Variants in UAP1 observed in about 807,000 individuals in gnomAD.
The protein encoded by UAP1 is UDP-N-acetylglucosamine pyrophosphorylase 1, also known as UDP-N-acetylhexosamine pyrophosphorylase.
In UAP1, 25 loss-of-function variants were observed where a neutral mutation model predicts 58.5. That is an observed-to-expected ratio of 0.43 (90% CI 0.31 to 0.60). The LOEUF (loss-of-function observed/expected upper bound fraction) is 0.60, where lower values mean the gene tolerates loss of function less well. Among genes scored for constraint, UAP1 ranks in the 20% least tolerant of loss-of-function variants. The pLI is 0.11. For missense variants in UAP1, 575 were observed against 630.0 expected (o/e 0.91, Z 0.93); for synonymous variants, 208 against 213.0 (o/e 0.98, Z 0.21).
chr1:162,597,120 A>G (rs1359007971), intron 9 of UAP1: 1 of 152,198 alleles, frequency 6.6e-6, no homozygotes, highest in African/African-American at 2.4e-5. Flanking sequence ...TACAGAAAAA[A>G]CATGTACTGG....
rs897756808 is a variant in UAP1 at position 162,576,712 on chromosome 1, A to G, written c.281-65A>G. On this transcript the variant is annotated intron_variant, in intron 2 of 10. Coordinates refer to ENST00000271469, the Ensembl canonical transcript of UAP1. Reference sequence around the variant, plus strand: ...TTTTGATGAGTCTTTGCTGCTACCTATGTATATTTAATACTAAAGTGTTGA... The same window carrying G: ...TTTTGATGAGTCTTTGCTGCTACCTGTGTATATTTAATACTAAAGTGTTGA... 2.1e-5 allele frequency: 30 copies of G among 1,422,638 alleles called. No individual in the cohort carries two copies. In the African/African-American group the frequency reaches 3.0e-4, roughly 14 times the overall value. 88.1% of individuals were successfully genotyped at this position (1,422,638 alleles called of 1,614,324 possible).
At chr1:162,579,313 A>G (rs1654400489) in intron 3 of UAP1, 115 bp from the exon 4 acceptor site, 2 of 752,608 alleles carry the variant, frequency 2.7e-6, no homozygotes, top group Non-Finnish European at 3.8e-6. Flanking sequence ...GAAGGAAGTC[A>G]AAATAATAAG....
chr1:162,577,910 AT>A (rs1001789963), intron 3 of UAP1, among the ~76,000 whole-genome samples: 1 of 149,558 alleles, frequency 6.7e-6, no homozygotes, highest in African/African-American at 2.5e-5. Context: ...GCACCCGGCT[AT>A]TTTTTTTTGT....
Position 162,590,308 on chromosome 1 carries a change from A to G in UAP1, c.1170-15A>G, listed in dbSNP as rs773623440. The G allele has an allele frequency of 2.2e-5, 35 of 1,601,324 alleles. No homozygotes were observed. Among genetic ancestry groups the G allele is most frequent in the Non-Finnish European group, 2.9e-5 (34 of 1,174,528 alleles). Reference sequence around the variant, plus strand: ...AGTTTCATAATAAAGAGGTCTTTATATGGTTTCGCTCTAGGAAGTTTGTGG... The same window carrying G: ...AGTTTCATAATAAAGAGGTCTTTATGTGGTTTCGCTCTAGGAAGTTTGTGG... On this transcript the variant is annotated splice_polypyrimidine_tract_variant and intron_variant, in intron 7 of 10. Transcript: ENST00000271469.
chr1:162,563,954 A>G (rs1653338135), intron 1 of UAP1, among the ~76,000 whole-genome samples: 1 of 152,182 alleles, frequency 6.6e-6, no homozygotes, highest in Non-Finnish European at 1.5e-5. Flanking sequence ...TTCTTTGGTT[A>G]TCTGGTTCCT....
intron 2 of UAP1, among the ~76,000 whole-genome samples, chr1:162,572,485 C>T (rs1653926797): frequency 6.6e-6 from 1 of 152,088 alleles, no homozygotes; most frequent in Non-Finnish European, 1.5e-5. Flanking sequence ...TTTTTCAGGT[C>T]AGTTAGCTGA....
At position 162,571,339 on chromosome 1, in the gene UAP1, C is replaced by T. The variant is rs187240830; in HGVS notation, c.280+4991C>T. ...AGACGGGGGTTTCAACATGTTGGCCCGGCTGGTCTTGAACTCCTGACCTCA... is the reference window on the plus strand; with the variant it reads ...AGACGGGGGTTTCAACATGTTGGCCTGGCTGGTCTTGAACTCCTGACCTCA... On this transcript the variant is annotated intron_variant, in intron 2 of 10. Transcript: ENST00000271469. 2.0e-4 allele frequency among the ~76,000 whole-genome samples: 31 copies of T among 151,852 alleles called. No individual in the cohort carries two copies. The East Asian group carries it at 5.4e-3, about 27-fold the overall frequency.
intron 2 of UAP1, among the ~76,000 whole-genome samples, chr1:162,567,691 A>G (rs1653601798): frequency 6.6e-6 from 1 of 152,208 alleles, no homozygotes; most frequent in Non-Finnish European, 1.5e-5. Flanking sequence ...ACATTATTTT[A>G]TTGCAAAAAT....
chr1:162,586,201 C>T (rs989526767), intron 5 of UAP1, among the ~76,000 whole-genome samples: 2 of 152,166 alleles, frequency 1.3e-5, no homozygotes, highest in African/African-American at 4.8e-5. Flanking sequence ...AAAGTCTTAA[C>T]TTTATTAATA....
At chr1:162,582,421 G>A (rs1354593560) in intron 5 of UAP1, among the ~76,000 whole-genome samples, 2 of 152,142 alleles carry the variant, frequency 1.3e-5, no homozygotes, top group Non-Finnish European at 2.9e-5. Context: ...TAGAATGACA[G>A]ATTAATGAAA....
chr1:162,597,697 G>A lies in UAP1; in HGVS notation c.1410-95G>A. ...ATTTGTTTAACTGGAAGAATTATCT[G>A]CAAGCTTCTCAGAGGAAAGTTATGG... On this transcript the variant is annotated intron_variant, in intron 9 of 10. Transcript: ENST00000271469. 4 of 953,936 alleles carry A rather than the reference G, an allele frequency of 4.2e-6. No individual in the cohort carries two copies. In the South Asian group the frequency reaches 6.1e-5, roughly 14 times the overall value. 59.1% of individuals were successfully genotyped at this position (953,936 alleles called of 1,614,324 possible).
chr1:162,589,192 T>TA (rs1207569380), intron 7 of UAP1, among the ~76,000 whole-genome samples: 95 of 68,114 alleles, frequency 1.4e-3, no homozygotes, highest in African/African-American at 4.5e-3. Context: ...ATAATATATA[T>TA]TATATATTAT....
At chr1:162,592,125 C>T (rs749563810) in intron 8 of UAP1, among the ~76,000 whole-genome samples, 6 of 152,122 alleles carry the variant, frequency 3.9e-5, no homozygotes, top group Non-Finnish European at 7.4e-5. Context: ...GGGCTGGACA[C>T]GGTGGTTTGT....
At chr1:162,576,857 C>T in exon 3 of UAP1, 1 of 1,614,116 alleles carries the variant, frequency 6.2e-7, no homozygotes, top group Non-Finnish European at 8.5e-7. Context: ...CGTTGCATAT[C>T]CTAAGGGGAT....
At chr1:162,569,399 C>T (rs1290082398) in intron 2 of UAP1, among the ~76,000 whole-genome samples, 2 of 152,154 alleles carry the variant, frequency 1.3e-5, no homozygotes, top group Non-Finnish European at 2.9e-5. Flanking sequence ...ATATAAGTGA[C>T]CACTGTACTC....
At chr1:162,590,409 C>G in exon 8 of UAP1, 1 of 1,613,794 alleles carries the variant, frequency 6.2e-7, no homozygotes, top group Non-Finnish European at 8.5e-7. Context: ...GACAACCCTA[C>G]TACTGCAAGG....
chr1:162,562,952 C>T (rs1653253534), intron 1 of UAP1, among the ~76,000 whole-genome samples: 1 of 152,104 alleles, frequency 6.6e-6, no homozygotes, highest in South Asian at 2.1e-4. Flanking sequence ...TATTTAAATT[C>T]TAATAAAAAT....
intron 2 of UAP1, among the ~76,000 whole-genome samples, chr1:162,571,362 T>A (rs12129071): frequency 6.6e-6 from 1 of 151,944 alleles, no homozygotes; most frequent in Non-Finnish European, 1.5e-5. Flanking sequence ...ACTCCTGACC[T>A]CAAGTGATTT....
At chr1:162,595,464 G>A (rs866478304) in intron 9 of UAP1, among the ~76,000 whole-genome samples, 1 of 151,982 alleles carries the variant, frequency 6.6e-6, no homozygotes, top group Non-Finnish European at 1.5e-5. Context: ...ATGACTTTGA[G>A]TTGCCCCAGA....
Sources: allele counts gnomAD v4.1 joint callset (sites outside exome capture counted in the v4.1 genomes callset), GRCh38; gene constraint gnomAD v4.1.1; transcripts MANE v1.5; gene names NCBI Gene and HGNC (gene_info 2026-07-23, HGNC 2026-07-21).